Variants in DNAAF5 observed in about 807,000 individuals in gnomAD.
DNAAF5 encodes the protein HEAT repeat containing 2.
In DNAAF5, 64 loss-of-function variants were observed where a neutral mutation model predicts 75.8. That is an observed-to-expected ratio of 0.84 (90% CI 0.69 to 1.04). DNAAF5 has a LOEUF of 1.04. DNAAF5 is among the 50% of genes least tolerant of loss of function. The pLI is 0.00. For missense variants in DNAAF5, 1,269 were observed against 1,178.5 expected (o/e 1.08, Z -1.12); for synonymous variants, 657 against 557.2 (o/e 1.18, Z -2.52).
chr7:774,116 G>T lies in DNAAF5; in HGVS notation c.2000G>T (p.Gly667Val). ...ILAPNLQWHAGRTAAAIRTAA... is the reference protein window; with the variant it reads ...ILAPNLQWHAVRTAAAIRTAA... ...GCCCCCAATCTGCAGTGGCATGCGGGGAGGACAGCCGCGGCCATCCGCACG... is the reference window on the plus strand; with the variant it reads ...GCCCCCAATCTGCAGTGGCATGCGGTGAGGACAGCCGCGGCCATCCGCACG... Residue 667 changes from glycine (G) to valine (V), a missense_variant, in exon 10 of 13, where the codon GGG becomes GTG. Transcript: ENST00000297440. The T allele has an allele frequency of 6.2e-7, 1 of 1,613,408 alleles. No homozygotes were observed. The highest frequency in any genetic ancestry group is 1.7e-5 in the Admixed American group (1 of 60,020).
In DNAAF5 at chr7:754,464, C is replaced by G. The variant is rs1462668005; in HGVS notation, c.1025-125C>G. ...GCATTTGTCAGCTTTGCGTCCACCCCAAGACTTGTTTTGAAATGGTGAGGT... is the reference window on the plus strand; with the variant it reads ...GCATTTGTCAGCTTTGCGTCCACCCGAAGACTTGTTTTGAAATGGTGAGGT... On this transcript the variant is annotated intron_variant, in intron 4 of 12. Transcript: ENST00000297440. This position sits in a 1 kb window ranked among gnomAD's most constrained non-coding sequence, Gnocchi z 4.8. 3 of 831,298 alleles carry G rather than the reference C, an allele frequency of 3.6e-6. No individual in the cohort carries two copies. In the African/African-American group the frequency reaches 5.1e-5, roughly 14 times the overall value. 51.5% of individuals were successfully genotyped at this position (831,298 alleles called of 1,614,324 possible).
intron 2 of DNAAF5, among the ~76,000 whole-genome samples, chr7:732,791 C>T (rs938347974): frequency 6.6e-6 from 1 of 152,118 alleles, no homozygotes. Flanking sequence ...TGGGTTGTCT[C>T]CTCACTATTG....
At chr7:783,229 A>G (rs1302123854) in intron 12 of DNAAF5, among the ~76,000 whole-genome samples, 1 of 152,220 alleles carries the variant, frequency 6.6e-6, no homozygotes. Flanking sequence ...TGGGAAAAGC[A>G]GCTCTGCTGC....
intron 6 of DNAAF5, among the ~76,000 whole-genome samples, chr7:759,896 T>G (rs571481032): frequency 1.3e-5 from 2 of 152,300 alleles, no homozygotes; most frequent in South Asian, 4.1e-4. Context: ...ACATGACAGG[T>G]CATTCTAGAA....
chr7:757,935 C>T (rs1421588620), intron 6 of DNAAF5, among the ~76,000 whole-genome samples: 1 of 152,230 alleles, frequency 6.6e-6, no homozygotes, highest in Non-Finnish European at 1.5e-5. Flanking sequence ...CTGTGTCAGG[C>T]TCCCTCTCCG....
chr7:754,957 C>A lies in DNAAF5; in HGVS notation c.1257+136C>A. On this transcript the variant is annotated intron_variant, in intron 5 of 12. Transcript: ENST00000297440. The surrounding 1 kb of genome is among the most constrained non-coding windows in gnomAD (Gnocchi z 4.8). Reference sequence around the variant, plus strand: ...TCACCCCCGGGCCGCAGGCCCTCCCCACACCCAGCCCCTGGGAACAACTGA... The same window carrying A: ...TCACCCCCGGGCCGCAGGCCCTCCCAACACCCAGCCCCTGGGAACAACTGA... The A allele has an allele frequency of 1.6e-6, 1 of 638,268 alleles. No homozygotes were observed. Among genetic ancestry groups the A allele is most frequent in the Non-Finnish European group, 2.7e-6 (1 of 371,938 alleles). The allele number at this position is 638,268 out of a possible 1,614,324, so 39.5% of individuals were successfully genotyped here.
chr7:765,133 A>C (rs920247635), intron 8 of DNAAF5, among the ~76,000 whole-genome samples: 1 of 152,064 alleles, frequency 6.6e-6, no homozygotes, highest in Non-Finnish European at 1.5e-5. Context: ...AAACCAAACA[A>C]AAAACAAAGC....
chr7:757,244 C>T (rs1427588467), intron 6 of DNAAF5, among the ~76,000 whole-genome samples: 1 of 152,228 alleles, frequency 6.6e-6, no homozygotes, highest in Non-Finnish European at 1.5e-5. Context: ...GAGCTCCAGC[C>T]CCAGCCCCAG....
At chr7:731,812 G>A (rs1483774333) in intron 2 of DNAAF5, among the ~76,000 whole-genome samples, 2 of 152,024 alleles carry the variant, frequency 1.3e-5, no homozygotes, top group Non-Finnish European at 2.9e-5. Flanking sequence ...GACCCTGCAC[G>A]GCCCTTCACG....
rs747552520 is a variant in DNAAF5, at chr7:761,864, G to T, written c.1582G>T (p.Ala528Ser). ...QLLDVLLTIV[A>S]LAGATGLRDK... ...CTTGGACGTGCTGCTGACAATAGTG[G>T]CCCTCGCAGGTGCTACCGGCCTGAG... Residue 528 changes from alanine (A) to serine (S), a missense_variant, in exon 7 of 13, where the codon GCC becomes TCC. Physicochemically the swap from Ala to Ser is moderately conservative, Grantham distance 99. Coordinates refer to ENST00000297440, the MANE Select transcript of DNAAF5 (RefSeq NM_017802.4). 86 of 1,586,708 alleles carry T rather than the reference G, an allele frequency of 5.4e-5. No homozygotes were observed. The highest frequency in any genetic ancestry group is 7.1e-5 in the Non-Finnish European group (83 of 1,167,012).
intron 6 of DNAAF5, among the ~76,000 whole-genome samples, chr7:757,857 G>A (rs1387892301): frequency 3.9e-5 from 6 of 152,240 alleles, no homozygotes; most frequent in African/African-American, 7.2e-5. Context: ...CGTTTCCGGC[G>A]GCTTCTATGG....
intron 8 of DNAAF5, among the ~76,000 whole-genome samples, chr7:764,309 G>T (rs1167227843): frequency 1.3e-5 from 2 of 152,232 alleles, no homozygotes; most frequent in East Asian, 3.9e-4. Context: ...AGCCGCATGG[G>T]TGCTGTGTGT....
Position 741,396 on chromosome 7 carries a change from G to A in DNAAF5, c.955G>A (p.Glu319Lys). The A allele has an allele frequency of 6.3e-7, 1 of 1,581,034 alleles. No individual in the cohort carries two copies. Among genetic ancestry groups the A allele is most frequent in the Non-Finnish European group, 8.6e-7 (1 of 1,164,242 alleles). Residue 319 changes from glutamate (E) to lysine (K), a missense_variant, in exon 4 of 13, where the codon GAG (glutamate) becomes AAG (lysine). Transcript: ENST00000297440. Reference protein sequence around the residue: ...WEDVGLQWQKENEEDLKDKLD... With the variant: ...WEDVGLQWQKKNEEDLKDKLD... ...GGACGTTGGCCTGCAGTGGCAGAAGGAGAATGAGGAGGACCTGAAGGACAA... is the reference window on the plus strand; with the variant it reads ...GGACGTTGGCCTGCAGTGGCAGAAGAAGAATGAGGAGGACCTGAAGGACAA...
intron 5 of DNAAF5, among the ~76,000 whole-genome samples, chr7:756,493 C>T (rs774028912): frequency 8.5e-5 from 13 of 152,234 alleles, no homozygotes; most frequent in East Asian, 3.9e-4. Context: ...CACTGGTGTC[C>T]GATGAGGGGT....
intron 12 of DNAAF5, among the ~76,000 whole-genome samples, chr7:781,890 T>C (rs1045873955): frequency 6.6e-6 from 1 of 152,232 alleles, no homozygotes; most frequent in Non-Finnish European, 1.5e-5. Context: ...CAGTGATTAA[T>C]CCTTGTCAGG....
chr7:736,091 A>G (rs1404154863), intron 2 of DNAAF5, among the ~76,000 whole-genome samples: 1 of 152,118 alleles, frequency 6.6e-6, no homozygotes, highest in Non-Finnish European at 1.5e-5. Flanking sequence ...ATTAATTTCT[A>G]GTTTCATGTT....
At chr7:727,547 A>C in intron 1 of DNAAF5, 3 of 222,520 alleles carry the variant, frequency 1.3e-5, no homozygotes, top group Non-Finnish European at 1.6e-5. Flanking sequence ...TCCCGCCACC[A>C]ACGCGCCCTT....
chr7:730,087 T>C (rs1232484566), intron 2 of DNAAF5, among the ~76,000 whole-genome samples: 5 of 152,192 alleles, frequency 3.3e-5, no homozygotes, highest in Admixed American at 1.3e-4. Context: ...CTTGTGTAGT[T>C]ATTGTCTCTT....
chr7:771,385 C>G (rs1469261757), intron 9 of DNAAF5: 1 of 152,278 alleles, frequency 6.6e-6, no homozygotes, highest in African/African-American at 2.4e-5. Context: ...CAAAAGGTGC[C>G]GTCAGCTGGG....
Sources: allele counts gnomAD v4.1 joint callset (sites outside exome capture counted in the v4.1 genomes callset), GRCh38; gene constraint gnomAD v4.1.1; non-coding constraint Gnocchi (gnomAD v3.1); transcripts MANE v1.5; gene names NCBI Gene and HGNC (gene_info 2026-07-23, HGNC 2026-07-21).